The following AKR1C4 variants were observed in gnomAD, a reference collection of about 807,000 sequenced individuals.
AKR1C4 encodes the protein 3-alpha-HSD1.
A neutral mutation model predicts 41.0 loss-of-function variants in AKR1C4; 44 were observed. The observed-to-expected ratio is 1.07, with a 90% CI of 0.84 to 1.38. AKR1C4 has a LOEUF of 1.38. Ranked by LOEUF, AKR1C4 falls within the 40% of genes most tolerant of loss-of-function variation. AKR1C4 has a pLI of 0.00. For missense variants in AKR1C4, 438 were observed against 387.9 expected, an observed-to-expected ratio of 1.13 and a Z score of -1.09; for synonymous variants, 165 against 137.7, an observed-to-expected ratio of 1.20 and a Z score of -1.39.
intron 1 of AKR1C4, among the ~76,000 whole-genome samples, chr10:5,198,203 G>A (rs887988871): frequency 6.6e-6 from 1 of 152,046 alleles, no homozygotes; most frequent in Non-Finnish European, 1.5e-5. Context: ...AATTTCTTAG[G>A]TATAAATCTA....
intron 5 of AKR1C4, 140 bp from the exon 6 acceptor site, chr10:5,212,474 CTG>C (rs1367576436): frequency 4.9e-6 from 4 of 819,876 alleles, no homozygotes; most frequent in African/African-American, 3.5e-5. Context: ...GTAATATAAA[CTG>C]TATTTTTATA....
chr10:5,212,826 G>C, intron 6 of AKR1C4, 101 bp downstream of exon 6: 1 of 1,422,736 alleles, frequency 7.0e-7, no homozygotes, highest in Non-Finnish European at 9.6e-7. Context: ...ATGGGTCAGG[G>C]TAAGGGGATA....
chr10:5,214,879 C>A (rs571795307), intron 7 of AKR1C4, among the ~76,000 whole-genome samples: 3 of 152,164 alleles, frequency 2.0e-5, no homozygotes, highest in Non-Finnish European at 4.4e-5. Flanking sequence ...TATTTAAATT[C>A]TTTCCAATTT....
intron 1 of AKR1C4, 133 bp from the exon 2 acceptor site, chr10:5,200,048 G>A (rs1306331684): frequency 1.2e-5 from 14 of 1,130,030 alleles, no homozygotes; most frequent in African/African-American, 3.1e-5. Flanking sequence ...TCCCCTAGAG[G>A]TCTGAGCAGC....
In AKR1C4 at chr10:5,200,236, G is replaced by A. The variant is rs528399704; in HGVS notation, c.140G>A (p.Arg47His). Residue 47 changes from arginine (R) to histidine (H), a missense_variant, in exon 2 of 9, where the codon CGC (arginine) becomes CAC (histidine). Coordinates refer to ENST00000263126, the MANE Select transcript of AKR1C4 (RefSeq NM_001818.5). ...AAATTAGCAATAGAAGCTGGCTTCC[G>A]CCATATTGATTCTGCTTATTTATAC... ...VTKLAIEAGF[R>H]HIDSAYLYNN... The A allele has an allele frequency of 2.9e-5, 47 of 1,614,054 alleles. No individual in the cohort carries two copies. Among genetic ancestry groups the A allele is most frequent in the East Asian group, 6.7e-5 (3 of 44,894 alleles).
In AKR1C4 at chr10:5,200,181, G is replaced by A; in HGVS notation, c.85G>A (p.Val29Ile). 1.2e-6 allele frequency: 2 copies of A among 1,609,274 alleles called. No individual in the cohort carries two copies. Among genetic ancestry groups the A allele is most frequent in the Non-Finnish European group, 1.7e-6 (2 of 1,178,064 alleles). The change falls in exon 2 of 9, where the codon GTT (valine) becomes ATT (isoleucine). Residue 29 changes from valine (V) to isoleucine (I), a missense_variant and splice_region_variant. Coordinates refer to ENST00000263126, the MANE Select transcript of AKR1C4 (RefSeq NM_001818.5). Reference protein sequence around the residue: ...LGFGTYAPPEVPRNRAVEVTK... With the variant: ...LGFGTYAPPEIPRNRAVEVTK... Reference sequence around the variant, plus strand: ...ATACTACCTTTCGTTGCTCCTTCAGGTTCCGAGGAACAGAGCTGTAGAGGT... The same window carrying A: ...ATACTACCTTTCGTTGCTCCTTCAGATTCCGAGGAACAGAGCTGTAGAGGT...
intron 7 of AKR1C4, among the ~76,000 whole-genome samples, chr10:5,215,932 G>A (rs1242125814): frequency 6.6e-6 from 1 of 152,042 alleles, no homozygotes; most frequent in Non-Finnish European, 1.5e-5. Context: ...GACATTTTTA[G>A]CAATGTCCCA....
chr10:5,213,366 T>C lies in AKR1C4; in HGVS notation c.846+207T>C, dbSNP rs181181864. Among the ~76,000 whole-genome samples, 3 of 149,450 alleles carry C rather than the reference T, an allele frequency of 2.0e-5. No individual in the cohort carries two copies. In the East Asian group the frequency reaches 5.9e-4, roughly 29 times the overall value. On this transcript the variant is annotated intron_variant, in intron 7 of 8. Transcript: ENST00000263126. ...CAGGATGGGACCAAAACCAGGAATT[T>C]TGGTTTCACAACATAAAGTTGGCAA...
chr10:5,206,523 T>C (rs1832490285), intron 5 of AKR1C4, 126 bp downstream of exon 5: 2 of 1,513,016 alleles, frequency 1.3e-6, no homozygotes, highest in African/African-American at 1.4e-5. Flanking sequence ...GCAAAACATC[T>C]GTCTAGAAGA....
chr10:5,204,613 G>C (rs554029692), intron 3 of AKR1C4, 120 bp downstream of exon 3: 2 of 838,982 alleles, frequency 2.4e-6, no homozygotes, highest in East Asian at 4.8e-5. Context: ...AGAGTCCTAA[G>C]TATAATGCCT....
Position 5,196,940 on chromosome 10 carries a change from G to A in AKR1C4, c.73G>A (p.Ala25Thr). ...FMPVLGFGTY[A>T]PPEVPRNRAV... ...GCCCGTATTGGGATTTGGCACCTAT[G>A]CACCTCCAGAGGTAATAATCACATT... The change falls in exon 1 of 9, where the codon GCA becomes ACA. Residue 25 changes from alanine to threonine, a missense_variant. Coordinates refer to ENST00000263126, the MANE Select transcript of AKR1C4 (RefSeq NM_001818.5). The A allele has an allele frequency of 6.2e-7, 1 of 1,613,920 alleles. No individual in the cohort carries two copies. The highest frequency in any genetic ancestry group is 1.1e-5 in the South Asian group (1 of 91,076).
intron 3 of AKR1C4, among the ~76,000 whole-genome samples, chr10:5,205,043 A>AG (rs1564401614): frequency 6.6e-6 from 1 of 152,248 alleles, no homozygotes; most frequent in Non-Finnish European, 1.5e-5. Flanking sequence ...TTAAATTTAT[A>AG]GAAAAAAAAC....
intron 2 of AKR1C4, among the ~76,000 whole-genome samples, chr10:5,202,788 G>A (rs797036495): frequency 5.9e-5 from 9 of 151,960 alleles, no homozygotes; most frequent in African/African-American, 2.2e-4. Context: ...ATATTTATTG[G>A]CTTGTATATA....
chr10:5,204,857 G>A (rs1453805297), intron 3 of AKR1C4, among the ~76,000 whole-genome samples: 13 of 152,186 alleles, frequency 8.5e-5, no homozygotes, highest in Admixed American at 8.5e-4. Flanking sequence ...TGTACAGTGA[G>A]TTTCCATTAT....
At position 5,212,668 on chromosome 10, in the gene AKR1C4, C is replaced by T. The variant is rs984288415; in HGVS notation, c.623C>T (p.Ser208Leu). 2.5e-6 allele frequency: 4 copies of T among 1,613,828 alleles called. No individual in the cohort carries two copies. The highest frequency in any genetic ancestry group is 3.4e-6 in the Non-Finnish European group (4 of 1,179,986). Residue 208 changes from serine (S) to leucine (L), a missense_variant, in exon 6 of 9, where the codon TCA (serine) becomes TTA (leucine). By Grantham distance (145) the Ser-to-Leu change is moderately radical. Coordinates refer to ENST00000263126, the MANE Select transcript of AKR1C4 (RefSeq NM_001818.5). Reference protein sequence around the residue: ...NQSKLLDFCKSKDIVLVAHSA... With the variant: ...NQSKLLDFCKLKDIVLVAHSA... Reference sequence around the variant, plus strand: ...AGCAAACTGCTGGATTTCTGCAAGTCAAAAGACATTGTTCTGGTTGCCCAC... The same window carrying T: ...AGCAAACTGCTGGATTTCTGCAAGTTAAAAGACATTGTTCTGGTTGCCCAC...
chr10:5,205,874 G>A (rs1832476636), intron 4 of AKR1C4, 40 bp downstream of exon 4: 1 of 1,579,238 alleles, frequency 6.3e-7, no homozygotes, highest in Admixed American at 1.7e-5. Flanking sequence ...AGGAAGACAA[G>A]AAGAGGTAAA....
At chr10:5,202,939 TTGTGTGTGTGTGTGTGTG>T (rs57414547) in intron 2 of AKR1C4, among the ~76,000 whole-genome samples, 5 of 139,268 alleles carry the variant, frequency 3.6e-5, no homozygotes, top group Admixed American at 1.4e-4. Context: ...TAGTTTTCTT[TTGTGTGTGTGTGTGTGTG>T]TGTGTGTGTG....
chr10:5,210,605 AATTT>A lies in AKR1C4; in HGVS notation c.571-2010_571-2007del, dbSNP rs1564403379. Among the ~76,000 whole-genome samples, 4 of 30,844 alleles carry A rather than the reference AATTT, an allele frequency of 1.3e-4. No homozygotes were observed. In the Admixed American group the frequency reaches 2.1e-3, roughly 16 times the overall value. 20.2% of individuals were successfully genotyped at this position (30,844 alleles called of 152,430 possible). A position where few individuals can be genotyped will look rare whatever the true frequency, so the allele number is the denominator to read the frequency against. ...ATCTAGGTGGAGGTTCCCAAACCTC[AATTT>A]TTTTTTTTTTTTTTGAGATGGAGTC... On this transcript the variant is annotated intron_variant, in intron 5 of 8. Coordinates refer to ENST00000263126, the MANE Select transcript of AKR1C4 (RefSeq NM_001818.5).
intron 5 of AKR1C4, among the ~76,000 whole-genome samples, chr10:5,210,961 A>C (rs1442076678): frequency 6.6e-6 from 1 of 152,192 alleles, no homozygotes; most frequent in Admixed American, 6.5e-5. Flanking sequence ...TACCACATAG[A>C]AGCTGCCAAG....
Sources: gnomAD v4.1 joint callset for allele counts (sites outside exome capture counted in the v4.1 genomes callset) on GRCh38, gnomAD v4.1.1 for gene constraint, MANE v1.5 for transcripts, NCBI Gene and HGNC (gene_info 2026-07-23, HGNC 2026-07-21) for gene names.